Variants in AP1S3 observed in about 807,000 individuals in gnomAD.
The protein encoded by AP1S3 is adaptor related protein complex 1 subunit sigma 3.
In AP1S3, 10 loss-of-function variants were observed where a neutral mutation model predicts 20.9. The observed-to-expected ratio is 0.48, with a 90% CI of 0.29 to 0.81. The LOEUF is 0.81. Among genes scored for constraint, AP1S3 ranks in the 30% least tolerant of loss-of-function variants. The pLI, the probability that AP1S3 is intolerant of heterozygous loss-of-function variation, is 0.08. For synonymous variants in AP1S3, 41 were observed against 61.5 expected, an observed-to-expected ratio of 0.67 and a Z score of 1.56; for missense variants, 154 against 183.8, an observed-to-expected ratio of 0.84 and a Z score of 0.94.
At chr2:223,785,692 C>T (rs1044729900) in intron 1 of AP1S3, among the ~76,000 whole-genome samples, 53 of 152,160 alleles carry the variant, frequency 3.5e-4, no homozygotes, top group African/African-American at 1.3e-3. Flanking sequence ...ACTCAGGTGA[C>T]CCTGCAGTAA....
intron 3 of AP1S3, among the ~76,000 whole-genome samples, chr2:223,774,127 G>A (rs569580359): frequency 7.9e-5 from 12 of 152,330 alleles, no homozygotes; most frequent in Non-Finnish European, 1.2e-4. Context: ...CACGTTGGGA[G>A]GCCAAGGCAG....
intron 4 of AP1S3, chr2:223,764,945 T>C (rs1443666797): frequency 1.3e-5 from 6 of 460,944 alleles, no homozygotes; most frequent in Non-Finnish European, 2.2e-5. Flanking sequence ...CCTAGTGGAA[T>C]AGAGGAATTC....
intron 1 of AP1S3, among the ~76,000 whole-genome samples, chr2:223,798,561 C>G (rs1691398042): frequency 6.6e-6 from 1 of 152,222 alleles, no homozygotes; most frequent in African/African-American, 2.4e-5. Flanking sequence ...TGAACATTCT[C>G]TCTATAAAGA....
intron 1 of AP1S3, among the ~76,000 whole-genome samples, chr2:223,836,111 C>G (rs1053596070): frequency 1.3e-5 from 2 of 152,226 alleles, no homozygotes; most frequent in African/African-American, 4.8e-5. Flanking sequence ...GTGCTCAGCA[C>G]TCCCCGGCTC....
Position 223,756,115 on chromosome 2 carries a change from G to T in AP1S3, c.*2600C>A. On this transcript the variant is annotated 3_prime_UTR_variant, in exon 5 of 5. Coordinates refer to ENST00000396654, the MANE Select transcript of AP1S3 (RefSeq NM_001039569.2). Reference sequence around the variant, plus strand: ...GCACTTTGGAAGGCCAAGGCGGGCGGATCACCTGAGGTCGGCGTTCAAGAC... The same window carrying T: ...GCACTTTGGAAGGCCAAGGCGGGCGTATCACCTGAGGTCGGCGTTCAAGAC... The T allele has an allele frequency of 2.3e-6, 2 of 886,804 alleles. No individual in the cohort carries two copies. The highest frequency in any genetic ancestry group is 1.4e-6 in the Non-Finnish European group (1 of 740,292). The allele number at this position is 886,804 out of a possible 1,614,324, so 54.9% of individuals were successfully genotyped here. A position where few individuals can be genotyped will look rare whatever the true frequency, so the allele number is the denominator to read the frequency against.
chr2:223,758,272 AATT>A lies in AP1S3; in HGVS notation c.*440_*442del. 1.0e-6 allele frequency: 1 copy of A among 975,490 alleles called. No homozygotes were observed. Among genetic ancestry groups the A allele is most frequent in the Non-Finnish European group, 1.2e-6 (1 of 820,394 alleles). 60.4% of individuals were successfully genotyped at this position (975,490 alleles called of 1,614,324 possible). A position where few individuals can be genotyped will look rare whatever the true frequency, so the allele number is the denominator to read the frequency against. On this transcript the variant is annotated 3_prime_UTR_variant, in exon 5 of 5. Coordinates refer to ENST00000396654, the MANE Select transcript of AP1S3 (RefSeq NM_001039569.2). ...ACTCTGCACTATTAACATAATTTTG[AATT>A]ATTATACAATTTAGAAAACTAAACA...
chr2:223,763,448 C>T (rs1353363441), intron 4 of AP1S3, among the ~76,000 whole-genome samples: 1 of 152,138 alleles, frequency 6.6e-6, no homozygotes, highest in Non-Finnish European at 1.5e-5. Context: ...CTCTGTTTCT[C>T]CTGTAAGGAG....
At chr2:223,771,293 C>T (rs1690617863) in intron 3 of AP1S3, among the ~76,000 whole-genome samples, 1 of 151,966 alleles carries the variant, frequency 6.6e-6, no homozygotes, top group Non-Finnish European at 1.5e-5. Flanking sequence ...GCCAAGACTG[C>T]ACCACTGCAC....
intron 1 of AP1S3, among the ~76,000 whole-genome samples, chr2:223,793,637 T>C (rs1691261862): frequency 1.3e-5 from 2 of 152,046 alleles, no homozygotes; most frequent in South Asian, 4.2e-4. Context: ...TAAGGGATGC[T>C]GGGCTTAATA....
Position 223,755,891 on chromosome 2 carries a change from A to G in AP1S3, c.*2824T>C, listed in dbSNP as rs574329324. On this transcript the variant is annotated 3_prime_UTR_variant, in exon 5 of 5. Transcript: ENST00000396654. ...AGTCTGAGAAGCCCTGTCCATAACT[A>G]AAGTGTCTAATATGGAATTATCCAG... 6 of 985,472 alleles carry G rather than the reference A, an allele frequency of 6.1e-6. No homozygotes were observed. The East Asian group carries it at 5.7e-4, about 93-fold the overall frequency. 61.0% of individuals were successfully genotyped at this position (985,472 alleles called of 1,614,324 possible).
intron 2 of AP1S3, among the ~76,000 whole-genome samples, chr2:223,777,331 GTT>G (rs1690807444): frequency 6.6e-6 from 1 of 152,166 alleles, no homozygotes; most frequent in African/African-American, 2.4e-5. Flanking sequence ...GGAGGTGGAA[GTT>G]GCAGTGAGCC....
chr2:223,793,485 T>G (rs949004356), intron 1 of AP1S3, among the ~76,000 whole-genome samples: 1 of 152,082 alleles, frequency 6.6e-6, no homozygotes, highest in Non-Finnish European at 1.5e-5. Flanking sequence ...AAAAACCAAG[T>G]ACTGCATGTT....
intron 1 of AP1S3, among the ~76,000 whole-genome samples, chr2:223,810,731 T>C (rs1234239017): frequency 1.2e-5 from 1 of 86,418 alleles, no homozygotes; most frequent in African/African-American, 1.1e-4. Flanking sequence ...AGATGTGCTG[T>C]CCCACTTCAA....
Position 223,758,488 on chromosome 2 carries a change from C to A in AP1S3, c.*227G>T, listed in dbSNP as rs927400060. The stretch of plus-strand genomic sequence containing the variant: ...TGGTAGTTACTTTAAACATTTAGAG[C>A]TACAAGTACCTATACAGTATAACAC... On this transcript the variant is annotated 3_prime_UTR_variant, in exon 5 of 5. Coordinates refer to ENST00000396654, the MANE Select transcript of AP1S3 (RefSeq NM_001039569.2). The A allele has an allele frequency of 8.3e-7, 1 of 1,200,292 alleles. No homozygotes were observed. Among genetic ancestry groups the A allele is most frequent in the Admixed American group, 4.4e-5 (1 of 22,762 alleles). 74.4% of individuals were successfully genotyped at this position (1,200,292 alleles called of 1,614,324 possible).
chr2:223,837,422 C>A, intron 1 of AP1S3, 26 bp downstream of exon 1: 1 of 1,221,434 alleles, frequency 8.2e-7, no homozygotes. Context: ...ACCGCCTACC[C>A]GGGCCGGCGG....
In AP1S3 at chr2:223,814,605, T is replaced by A. The variant is rs184302641; in HGVS notation, c.3+22843A>T. Among the ~76,000 whole-genome samples, 3 of 152,280 alleles carry A rather than the reference T, an allele frequency of 2.0e-5. No individual in the cohort carries two copies. In the East Asian group the frequency reaches 5.8e-4, roughly 29 times the overall value. On this transcript the variant is annotated intron_variant, in intron 1 of 4. Transcript: ENST00000396654. Reference sequence around the variant, plus strand: ...CAAACTTCACAAACGAAATTCTCACTGGTCACATGAACATCCACTATTTAC... The same window carrying A: ...CAAACTTCACAAACGAAATTCTCACAGGTCACATGAACATCCACTATTTAC...
chr2:223,833,241 A>AATACATACATACATACATAC (rs56906676), intron 1 of AP1S3, among the ~76,000 whole-genome samples: 34 of 148,550 alleles, frequency 2.3e-4, no homozygotes, highest in African/African-American at 7.7e-4. Context: ...TTAAAGGCAA[A>AATACATACATACATACATAC]ATACATACAT....
intron 1 of AP1S3, among the ~76,000 whole-genome samples, chr2:223,783,415 T>C (rs1474318842): frequency 6.6e-6 from 1 of 152,212 alleles, no homozygotes; most frequent in Non-Finnish European, 1.5e-5. Context: ...CCAGCTTTCT[T>C]TGTCCTCAGA....
At chr2:223,790,599 T>G (rs1691194514) in intron 1 of AP1S3, among the ~76,000 whole-genome samples, 1 of 152,188 alleles carries the variant, frequency 6.6e-6, no homozygotes, top group Non-Finnish European at 1.5e-5. Context: ...AAGGATGTCA[T>G]TAGTCTACTG....
Sources: allele counts gnomAD v4.1 joint callset (sites outside exome capture counted in the v4.1 genomes callset), GRCh38; gene constraint gnomAD v4.1.1; transcripts MANE v1.5; gene names NCBI Gene and HGNC (gene_info 2026-07-23, HGNC 2026-07-21).